Variants in TRPC5 observed in about 807,000 individuals in gnomAD.
TRPC5 encodes the protein transient receptor potential cation channel subfamily C member 5.
TRPC5 carries 9 observed loss-of-function variants against 56.5 expected under a neutral mutation model. The ratio of observed to expected loss-of-function variants is 0.16; its 90% CI spans 0.10 to 0.28. The LOEUF (loss-of-function observed/expected upper bound fraction) is 0.28. Ranked by LOEUF, TRPC5 falls within the 10% of genes least tolerant of loss-of-function variation. The probability of loss-of-function intolerance (pLI) is 1.00; values close to 1 mark genes in which losing one functional copy is unlikely to be tolerated. For synonymous variants in TRPC5, 282 were observed against 278.5 expected (o/e 1.01, Z -0.13); for missense variants, 469 against 748.9 (o/e 0.63, Z 4.36).
intron 3 of TRPC5, among the ~76,000 whole-genome samples, chrX:111,898,058 C>T (rs1273664884): frequency 9.1e-6 from 1 of 109,847 alleles, no homozygotes; most frequent in Non-Finnish European, 1.9e-5. Context: ...TGTTGTCAGT[C>T]TTTAATTTTA....
chrX:111,925,008 A>T (rs1320953730), intron 2 of TRPC5, among the ~76,000 whole-genome samples: 1 of 112,846 alleles, frequency 8.9e-6, no homozygotes, highest in Non-Finnish European at 1.9e-5. Context: ...GGCATTTATC[A>T]TGTAGTTAGA....
intron 3 of TRPC5, among the ~76,000 whole-genome samples, chrX:111,855,679 C>T (rs1161267418): frequency 8.9e-6 from 1 of 112,343 alleles, no homozygotes; most frequent in African/African-American, 3.2e-5. Context: ...CCTCACACTT[C>T]CCTTCCACGC....
At chrX:112,074,369 G>C (rs1051053032) in intron 1 of TRPC5, among the ~76,000 whole-genome samples, 1 of 108,515 alleles carries the variant, frequency 9.2e-6, no homozygotes, top group African/African-American at 3.4e-5. Context: ...GCAAACTATC[G>C]CAAGGACAAA....
chrX:111,959,113 T>C (rs1198207264), intron 1 of TRPC5, among the ~76,000 whole-genome samples: 1 of 112,419 alleles, frequency 8.9e-6, no homozygotes, highest in Non-Finnish European at 1.9e-5. Flanking sequence ...AGAACGCTGA[T>C]AAATGTAACT....
intron 3 of TRPC5, among the ~76,000 whole-genome samples, chrX:111,909,202 C>T (rs752574589): frequency 5.4e-4 from 56 of 103,165 alleles, no homozygotes; most frequent in African/African-American, 1.8e-3. Flanking sequence ...TGGTGGTGCA[C>T]GCCTGTAGTC....
intron 2 of TRPC5, among the ~76,000 whole-genome samples, chrX:111,941,547 G>A (rs1026652707): frequency 1.8e-5 from 2 of 112,211 alleles, no homozygotes; most frequent in Non-Finnish European, 3.8e-5. Context: ...TCCACCAGTC[G>A]TGGAGGTGGC....
rs756189938 is a variant in TRPC5 at position 112,014,174 on chromosome X, C to A, written c.-21-61733G>T. ...TGGTCCAGGGACCATACATTGAGAACCACTGTTTTAGTCTATAAAATGGGT... is the reference window on the plus strand; with the variant it reads ...TGGTCCAGGGACCATACATTGAGAAACACTGTTTTAGTCTATAAAATGGGT... On this transcript the variant is annotated intron_variant, in intron 1 of 10. Coordinates refer to ENST00000262839, the MANE Select transcript of TRPC5 (RefSeq NM_012471.3). Among the ~76,000 whole-genome samples, 6 of 111,589 alleles carry A rather than the reference C, an allele frequency of 5.4e-5. No individual in the cohort carries two copies. In the East Asian group the frequency reaches 1.7e-3, roughly 32 times the overall value.
chrX:111,909,526 A>G (rs1477648540), intron 3 of TRPC5, among the ~76,000 whole-genome samples: 2 of 110,217 alleles, frequency 1.8e-5, no homozygotes, highest in Non-Finnish European at 3.8e-5. Context: ...TGAACTGTAA[A>G]CTTACAGGTG....
rs1419570744 is a variant in TRPC5 at position 111,965,230 on chromosome X, C to T, written c.-21-12789G>A. ...ACAAAGATCAAAGAGACAAAGAAGG[C>T]CATTACATAATGGTAAAGAGATCAA... On this transcript the variant is annotated intron_variant, in intron 1 of 10. Coordinates refer to ENST00000262839, the MANE Select transcript of TRPC5 (RefSeq NM_012471.3). Among the ~76,000 whole-genome samples, 8 of 111,532 alleles carry T rather than the reference C, an allele frequency of 7.2e-5. No homozygotes were observed. The East Asian group carries it at 2.0e-3, about 28-fold the overall frequency.
intron 1 of TRPC5, among the ~76,000 whole-genome samples, chrX:112,039,979 T>C (rs1392346084): frequency 8.9e-6 from 1 of 112,350 alleles, no homozygotes; most frequent in East Asian, 2.8e-4. Flanking sequence ...TTAACTGATG[T>C]ATCTGCTCCT....
chrX:111,856,771 G>T (rs1923247147), intron 3 of TRPC5, among the ~76,000 whole-genome samples: 1 of 99,056 alleles, frequency 1.0e-5, no homozygotes, highest in Non-Finnish European at 2.0e-5. Flanking sequence ...AGCCGAGATT[G>T]CATCACTACT....
At chrX:111,875,572 C>CTTTTTT (rs771241425) in intron 3 of TRPC5, among the ~76,000 whole-genome samples, 18 of 70,441 alleles carry the variant, frequency 2.6e-4, no homozygotes, top group African/African-American at 9.3e-4. Flanking sequence ...TTTTTTCTTT[C>CTTTTTT]TTTTTTTTTT....
At chrX:111,841,181 G>A (rs1375869816) in intron 6 of TRPC5, among the ~76,000 whole-genome samples, 2 of 112,501 alleles carry the variant, frequency 1.8e-5, no homozygotes, top group Non-Finnish European at 1.9e-5. Context: ...AATCACCACT[G>A]ATTAAGTAGA....
At position 111,802,999 on chromosome X, in the gene TRPC5, A is replaced by T. The variant is rs185789473; in HGVS notation, c.1897-20861T>A. On this transcript the variant is annotated intron_variant, in intron 7 of 10. Coordinates refer to ENST00000262839, the MANE Select transcript of TRPC5 (RefSeq NM_012471.3). ...TCATTTACATCAGGTGTTTCTCCTA[A>T]TGCTATCCCTCCCCCAGCCCTCCAC... Among the ~76,000 whole-genome samples the T allele has an allele frequency of 6.9e-3, 761 of 110,796 alleles. 4 individuals are homozygous for T. The highest frequency in any genetic ancestry group is 0.011 in the Admixed American group (118 of 10,343).
At chrX:112,029,858 G>T (rs1284095821) in intron 1 of TRPC5, among the ~76,000 whole-genome samples, 8 of 104,467 alleles carry the variant, frequency 7.7e-5, no homozygotes, top group Non-Finnish European at 1.6e-4. Context: ...ACAGAGTTTC[G>T]CTCTTGTTAC....
intron 2 of TRPC5, among the ~76,000 whole-genome samples, chrX:111,921,540 C>T (rs749517671): frequency 2.7e-5 from 3 of 109,939 alleles, no homozygotes; most frequent in South Asian, 3.9e-4. Context: ...TATCAAATTT[C>T]GCCTTCTCTT....
At chrX:111,837,107 G>A (rs1802306551) in intron 6 of TRPC5, among the ~76,000 whole-genome samples, 1 of 112,486 alleles carries the variant, frequency 8.9e-6, no homozygotes, top group Non-Finnish European at 1.9e-5. Context: ...AATGCCAGCT[G>A]GTGAAGCAGT....
At chrX:111,808,762 C>A (rs934055989) in intron 7 of TRPC5, among the ~76,000 whole-genome samples, 3 of 109,753 alleles carry the variant, frequency 2.7e-5, no homozygotes, top group Non-Finnish European at 5.7e-5. Context: ...TGGGCCACAC[C>A]TGAAGCCAAT....
At chrX:111,802,479 T>A (rs1466398331) in intron 7 of TRPC5, among the ~76,000 whole-genome samples, 5 of 111,774 alleles carry the variant, frequency 4.5e-5, no homozygotes, top group Admixed American at 3.8e-4. Context: ...GTAAAAAAAA[T>A]TCCATGCCAT....
Sources: allele counts gnomAD v4.1 joint callset (sites outside exome capture counted in the v4.1 genomes callset), GRCh38; gene constraint gnomAD v4.1.1; transcripts MANE v1.5; gene names NCBI Gene and HGNC (gene_info 2026-07-23, HGNC 2026-07-21).